Variants in MBD6 observed in about 807,000 individuals in gnomAD.
The protein encoded by MBD6 is methyl-CpG-binding domain protein 6.
Under a neutral mutation model 66.8 loss-of-function variants are expected in MBD6, and 22 were observed. The observed-to-expected ratio is 0.33, with a 90% CI of 0.24 to 0.47. The LOEUF (loss-of-function observed/expected upper bound fraction) is 0.47. Among genes scored for constraint, MBD6 ranks in the 20% least tolerant of loss-of-function variants. The pLI is 1.00. For missense variants in MBD6, 1,322 were observed against 1,286.9 expected (o/e 1.03, Z -0.42); for synonymous variants, 540 against 534.6 (o/e 1.01, Z -0.14).
At chr12:57,522,432 T>C (rs2140058082), upstream of MBD6, among the ~76,000 whole-genome samples, 1 of 152,122 alleles carries the variant, frequency 6.6e-6, no homozygotes, top group African/African-American at 2.4e-5. Flanking sequence ...TTTCGGGGCC[T>C]GGCCCCTCCC....
Position 57,524,052 on chromosome 12 carries a change from G to A in MBD6, c.-65G>A. 3.1e-6 allele frequency: 1 copy of A among 325,196 alleles called. No individual in the cohort carries two copies. The highest frequency in any genetic ancestry group is 8.8e-5 in the South Asian group (1 of 11,426). 20.1% of individuals were successfully genotyped at this position (325,196 alleles called of 1,614,324 possible). A position where few individuals can be genotyped will look rare whatever the true frequency, so the allele number is the denominator to read the frequency against. Reference sequence around the variant, plus strand: ...AGGTGTGGGCTAAGCTGGTGGCCCCGGCTTTAGACTGGACCCCACAATGTT... The same window carrying A: ...AGGTGTGGGCTAAGCTGGTGGCCCCAGCTTTAGACTGGACCCCACAATGTT... On this transcript the variant is annotated 5_prime_UTR_variant, in exon 2 of 13. Coordinates refer to ENST00000355673, the MANE Select transcript of MBD6 (RefSeq NM_052897.4).
At chr12:57,531,042 C>T (rs1382776380), downstream of MBD6, among the ~76,000 whole-genome samples, 1 of 152,140 alleles carries the variant, frequency 6.6e-6, no homozygotes, top group African/African-American at 2.4e-5. Flanking sequence ...GTAATGAGAG[C>T]TAAATAAGAT....
intron 3 of MBD6, 77 bp from the exon 4 acceptor site, chr12:57,524,643 T>G (rs759127444): frequency 4.9e-5 from 66 of 1,349,552 alleles, no homozygotes; most frequent in Middle Eastern, 1.8e-4. Flanking sequence ...GATCTGTAAC[T>G]TAAGCACTGT....
intron 3 of MBD6, 46 bp downstream of exon 3, chr12:57,524,462 A>G (rs752368244): frequency 2.7e-6 from 4 of 1,492,962 alleles, no homozygotes; most frequent in Non-Finnish European, 3.6e-6. Flanking sequence ...CCAGTTGCCC[A>G]GGTTTTCTTT....
At chr12:57,530,267 A>G (rs775324), downstream of MBD6, 30,260 of 158,748 alleles carry the variant, frequency 0.19, 3,245 homozygotes, top group East Asian at 0.34. Flanking sequence ...GAATATCTAT[A>G]TCCTAGTGCT....
At chr12:57,529,123 A>G in intron 12 of MBD6, 37 bp from the exon 13 acceptor site, 1 of 1,613,676 alleles carries the variant, frequency 6.2e-7, no homozygotes, top group Non-Finnish European at 8.5e-7. Flanking sequence ...GATACCTAGC[A>G]ATTGACCACT....
Position 57,524,434 on chromosome 12 carries a change from T to C in MBD6, c.113+18T>C. On this transcript the variant is annotated intron_variant, in intron 3 of 12. Transcript: ENST00000355673. ...TACATCAGGTACGGATCTTCACAGG[T>C]CCCCAAGCTCTGCCACTCCAGTTGC... 6.4e-7 allele frequency: 1 copy of C among 1,552,018 alleles called. No homozygotes were observed. The highest frequency in any genetic ancestry group is 8.7e-7 in the Non-Finnish European group (1 of 1,149,112).
intron 7 of MBD6, 58 bp from the exon 8 acceptor site, chr12:57,527,449 C>G (rs1469675416): frequency 5.1e-6 from 8 of 1,582,004 alleles, no homozygotes; most frequent in African/African-American, 4.0e-5. Flanking sequence ...TGTGAAAGCA[C>G]TATAAATCTG....
Position 57,527,079 on chromosome 12 carries a change from C to T in MBD6, c.1934C>T (p.Ala645Val). Reference sequence around the variant, plus strand: ...GATGGGGAGGGATCTGCAGAGGGAGCCGGGGGTCCAAGTGGGGAGCCATTT... The same window carrying T: ...GATGGGGAGGGATCTGCAGAGGGAGTCGGGGGTCCAAGTGGGGAGCCATTT... ...AGDGEGSAEG[A>V]GGPSGEPFSG... The change falls in exon 7 of 13, where the codon GCC (alanine) becomes GTC (valine). Residue 645 changes from alanine (A) to valine (V), a missense_variant. Transcript: ENST00000355673. The T allele has an allele frequency of 6.2e-7, 1 of 1,601,740 alleles. No individual in the cohort carries two copies. Among genetic ancestry groups the T allele is most frequent in the Non-Finnish European group, 8.5e-7 (1 of 1,172,280 alleles).
At chr12:57,523,600 C>A (rs551988343) in intron 1 of MBD6, among the ~76,000 whole-genome samples, 64 of 152,288 alleles carry the variant, frequency 4.2e-4, no homozygotes, top group African/African-American at 1.4e-3. Context: ...GCTGGTACCA[C>A]CCCAGCGGGC....
rs999848574 is a variant in MBD6 at position 57,529,434 on chromosome 12, C to A, written c.*200C>A. 1.3e-5 allele frequency: 7 copies of A among 544,138 alleles called. No homozygotes were observed. The highest frequency in any genetic ancestry group is 3.2e-5 in the Admixed American group (1 of 31,458). 33.7% of individuals were successfully genotyped at this position (544,138 alleles called of 1,614,324 possible). ...GGGAAGTTCACCCCCCCCCACCACC[C>A]CCCCGCCCCCCCGAAGCCATGTCAC... is the stretch of plus-strand genomic sequence containing the variant. On this transcript the variant is annotated 3_prime_UTR_variant, in exon 13 of 13. Coordinates refer to ENST00000355673, the MANE Select transcript of MBD6 (RefSeq NM_052897.4).
rs915354968 is a variant in MBD6 at position 57,529,394 on chromosome 12, C to T, written c.*160C>T. 6 of 642,274 alleles carry T rather than the reference C, an allele frequency of 9.3e-6. No homozygotes were observed. The highest frequency in any genetic ancestry group is 1.6e-5 in the Non-Finnish European group (6 of 376,036). 39.8% of individuals were successfully genotyped at this position (642,274 alleles called of 1,614,324 possible). On this transcript the variant is annotated 3_prime_UTR_variant, in exon 13 of 13. Coordinates refer to ENST00000355673, the MANE Select transcript of MBD6 (RefSeq NM_052897.4). ...CCTTCCCCTACAATCCCATCCTGAG[C>T]CATTGCAGGGGGCAGGGAAGTTCAC... is the stretch of plus-strand genomic sequence containing the variant.
At position 57,527,036 on chromosome 12, in the gene MBD6, C is replaced by T; in HGVS notation, c.1891C>T (p.Leu631=). 1 of 1,611,692 alleles carries T rather than the reference C, an allele frequency of 6.2e-7. No individual in the cohort carries two copies. ...TGCCTCTTTCCTGCCCCTGTTGGCT[C>T]TGGGCCCCACAGCTGGGGATGGGGA... is the stretch of plus-strand genomic sequence containing the variant. The part of the protein sequence containing the change: ...LLASFLPLLA[L]GPTAGDGEGS... Residue 631 remains leucine, a synonymous_variant, in exon 7 of 13, where the codon CTG becomes TTG. Transcript: ENST00000355673.
chr12:57,528,228 C>T lies in MBD6; in HGVS notation c.2488C>T (p.Pro830Ser), dbSNP rs746858373. The change falls in exon 10 of 13, where the codon CCC becomes TCC. Residue 830 changes from proline (P) to serine (S), a missense_variant. Physicochemically the swap from Pro to Ser is moderately conservative, Grantham distance 74. Transcript: ENST00000355673. Reference sequence around the variant, plus strand: ...CCTCGAACCAGAGCCTGCCAGGCCTCCCCTCAGTGCCTTAGCCCCACCCCA... The same window carrying T: ...CCTCGAACCAGAGCCTGCCAGGCCTTCCCTCAGTGCCTTAGCCCCACCCCA... ...SALEPEPARP[P>S]LSALAPPHGS... The T allele has an allele frequency of 5.6e-6, 9 of 1,608,594 alleles. No homozygotes were observed. Among genetic ancestry groups the T allele is most frequent in the South Asian group, 2.2e-5 (2 of 90,378 alleles).
intron 8 of MBD6, 79 bp downstream of exon 8, chr12:57,527,739 T>G: frequency 6.4e-7 from 1 of 1,552,628 alleles, no homozygotes; most frequent in Non-Finnish European, 8.7e-7. Context: ...GCTGAATAAA[T>G]TGGGGAAGAA....
Position 57,527,873 on chromosome 12 carries a change from C to G in MBD6, c.2262C>G (p.Ser754Arg). ...LLGDLSSLTS[S>R]PGALPSLLQP... ...GTGACCTGTCTTCACTGACCAGCAGCCCTGGAGCCCTCCCCAGCCTGTTGC... is the reference window on the plus strand; with the variant it reads ...GTGACCTGTCTTCACTGACCAGCAGGCCTGGAGCCCTCCCCAGCCTGTTGC... The change falls in exon 9 of 13, where the codon AGC (serine) becomes AGG (arginine). Residue 754 changes from serine to arginine, a missense_variant. Coordinates refer to ENST00000355673, the MANE Select transcript of MBD6 (RefSeq NM_052897.4). The G allele has an allele frequency of 6.2e-7, 1 of 1,613,732 alleles. No homozygotes were observed. Among genetic ancestry groups the G allele is most frequent in the South Asian group, 1.1e-5 (1 of 91,064 alleles).
Position 57,529,689 on chromosome 12 carries a change from G to C in MBD6, c.*455G>C, listed in dbSNP as rs578112772. ...CCCAGTGAAAGGTACAAAGCAATAAGCATCATGCATCCTCCCCTTACCCCT... is the reference window on the plus strand; with the variant it reads ...CCCAGTGAAAGGTACAAAGCAATAACCATCATGCATCCTCCCCTTACCCCT... On this transcript the variant is annotated 3_prime_UTR_variant, in exon 13 of 13. Transcript: ENST00000355673. The C allele has an allele frequency of 1.8e-5, 3 of 167,708 alleles. No homozygotes were observed. The highest frequency in any genetic ancestry group is 3.9e-5 in the Non-Finnish European group (3 of 75,996). 10.4% of individuals were successfully genotyped at this position (167,708 alleles called of 1,614,324 possible). A position where few individuals can be genotyped will look rare whatever the true frequency, so the allele number is the denominator to read the frequency against.
chr12:57,527,669 G>T lies in MBD6; in HGVS notation c.2236+9G>T. On this transcript the variant is annotated intron_variant, in intron 8 of 12. Transcript: ENST00000355673. ...GGGTGCCAGCCTGCTGGGTGAGTCT[G>T]AGGGAGTGTGAATTCACACTCTTGG... 6.3e-7 allele frequency: 1 copy of T among 1,577,988 alleles called. No homozygotes were observed.
chr12:57,529,197 G>A lies in MBD6; in HGVS notation c.2975G>A (p.Arg992His), dbSNP rs559628730. The change falls in exon 13 of 13, where the codon CGT (arginine) becomes CAT (histidine). Residue 992 changes from arginine (R) to histidine (H), a missense_variant. Coordinates refer to ENST00000355673, the MANE Select transcript of MBD6 (RefSeq NM_052897.4). Reference protein sequence around the residue: ...VPLPPRARPGRPAKNKRRKLA... With the variant: ...VPLPPRARPGHPAKNKRRKLA... ...CTGCCTCCCCGGGCCCGCCCTGGCC[G>A]TCCTGCCAAAAACAAGAGGAGGAAA... The A allele has an allele frequency of 1.2e-5, 19 of 1,614,082 alleles. No homozygotes were observed. Among genetic ancestry groups the A allele is most frequent in the Admixed American group, 1.7e-5 (1 of 60,018 alleles).
Sources: gnomAD v4.1 joint callset for allele counts (sites outside exome capture counted in the v4.1 genomes callset) on GRCh38, gnomAD v4.1.1 for gene constraint, MANE v1.5 for transcripts, NCBI Gene and HGNC (gene_info 2026-07-23, HGNC 2026-07-21) for gene names.